COLEC10: variants seen among roughly 807,000 people sequenced by gnomAD.
COLEC10 encodes collectin-10.
In COLEC10, 22 loss-of-function variants were observed where a neutral mutation model predicts 28.4. The ratio of observed to expected loss-of-function variants is 0.78; its 90% CI spans 0.55 to 1.11. The LOEUF is 1.11. Ranked by LOEUF, COLEC10 falls within the 50% of genes least tolerant of loss-of-function variation. The pLI is 0.00. For missense variants in COLEC10, 361 were observed against 344.1 expected (o/e 1.05, Z -0.39); for synonymous variants, 125 against 116.1 (o/e 1.08, Z -0.49).
chr8:119,037,252 T>C (rs16891888), intron 2 of COLEC10, among the ~76,000 whole-genome samples: 1,817 of 152,318 alleles, frequency 0.012, 35 homozygotes, highest in African/African-American at 0.041. Flanking sequence ...TATTCTATTT[T>C]GTAAGCTGTC....
Position 118,997,018 on chromosome 8 carries a change from A to G in COLEC10, n.122+1445A>G, listed in dbSNP as rs543225960. ...ATGACAAACGCCTCTTTCCAGGCCTACCTCCCACACTGGAGATCACATTTC... is the reference window on the plus strand; with the variant it reads ...ATGACAAACGCCTCTTTCCAGGCCTGCCTCCCACACTGGAGATCACATTTC... On this transcript the variant is annotated intron_variant and non_coding_transcript_variant, in intron 1 of 6. Transcript: ENST00000521788. 2.9e-4 allele frequency among the ~76,000 whole-genome samples: 44 copies of G among 152,264 alleles called. No homozygotes were observed. In the East Asian group the frequency reaches 8.5e-3, roughly 29 times the overall value.
At chr8:119,021,079 C>T (rs16891854) in intron 2 of COLEC10, among the ~76,000 whole-genome samples, 2 of 152,068 alleles carry the variant, frequency 1.3e-5, no homozygotes, top group African/African-American at 2.4e-5. Flanking sequence ...CAGTAAGCAA[C>T]ATTTTAAGGA....
intron 2 of COLEC10, among the ~76,000 whole-genome samples, chr8:119,034,253 G>T (rs937789901): frequency 6.6e-6 from 1 of 152,060 alleles, no homozygotes; most frequent in Non-Finnish European, 1.5e-5. Context: ...AGGATGGGGG[G>T]TGGGGAGGGA....
Position 119,028,707 on chromosome 8 carries a change from A to G in COLEC10, n.235+19154A>G, listed in dbSNP as rs759489986. 3.2e-4 allele frequency among the ~76,000 whole-genome samples: 49 copies of G among 152,148 alleles called. 1 individual carries two copies. Among genetic ancestry groups the G allele is most frequent in the Admixed American group, 7.9e-4 (12 of 15,280 alleles). Reference sequence around the variant, plus strand: ...AAGCCATATCCTGTAAAGGGTTATTATATGTTTTCTAAAATGAAAATGCTC... The same window carrying G: ...AAGCCATATCCTGTAAAGGGTTATTGTATGTTTTCTAAAATGAAAATGCTC... On this transcript the variant is annotated intron_variant and non_coding_transcript_variant, in intron 2 of 6. Transcript: ENST00000521788.
chr8:119,087,726 C>T (rs1244069047), intron 1 of COLEC10, among the ~76,000 whole-genome samples: 1 of 151,986 alleles, frequency 6.6e-6, no homozygotes, highest in African/African-American at 2.4e-5. Context: ...CTGTAAAATC[C>T]ACCATCTGCT....
chr8:119,031,914 CTA>C (rs1814295801), intron 2 of COLEC10, among the ~76,000 whole-genome samples: 1 of 151,930 alleles, frequency 6.6e-6, no homozygotes, highest in Admixed American at 6.6e-5. Flanking sequence ...AAAATAGTAA[CTA>C]AAATTAATTT....
chr8:119,090,830 C>T lies in COLEC10; in HGVS notation c.221-319C>T, dbSNP rs985731828. Reference sequence around the variant, plus strand: ...AGCTAAAGAAGAACAAAACCAGAATCGAGTCAAGAATACTTTCACCTGGCC... The same window carrying T: ...AGCTAAAGAAGAACAAAACCAGAATTGAGTCAAGAATACTTTCACCTGGCC... On this transcript the variant is annotated intron_variant, in intron 2 of 5. Coordinates refer to ENST00000332843, the MANE Select transcript of COLEC10 (RefSeq NM_006438.5). Among the ~76,000 whole-genome samples the T allele has an allele frequency of 3.3e-5, 5 of 152,096 alleles. No homozygotes were observed. The South Asian group carries it at 6.2e-4, about 19-fold the overall frequency.
the COLEC10 span, among the ~76,000 whole-genome samples, chr8:118,990,191 A>G: frequency 3.3e-5 from 5 of 152,148 alleles, no homozygotes; most frequent in African/African-American, 9.6e-5. Flanking sequence ...GATAGATTGT[A>G]TGGTCACTGA....
chr8:119,092,423 C>T (rs1176111127), intron 3 of COLEC10, among the ~76,000 whole-genome samples: 1 of 152,222 alleles, frequency 6.6e-6, no homozygotes, highest in Non-Finnish European at 1.5e-5. Context: ...AGATAGTCTC[C>T]TCTGTATTGT....
intron 1 of COLEC10, among the ~76,000 whole-genome samples, chr8:119,075,467 CCTAA>C (rs1285718022): frequency 6.6e-6 from 1 of 152,130 alleles, no homozygotes; most frequent in African/African-American, 2.4e-5. Context: ...TAAAGTAGCG[CCTAA>C]CTAATGTGGG....
the COLEC10 span, chr8:118,982,701 G>T: frequency 6.3e-6 from 1 of 159,414 alleles, no homozygotes. Context: ...CATATTAAAT[G>T]AGCTACAGTG....
At chr8:119,015,735 AT>A (rs1326713488) in intron 2 of COLEC10, among the ~76,000 whole-genome samples, 1 of 152,110 alleles carries the variant, frequency 6.6e-6, no homozygotes, top group African/African-American at 2.4e-5. Flanking sequence ...TGTCTCTCCA[AT>A]TTCAGGGGCA....
At chr8:119,085,408 G>A (rs1266513333) in intron 1 of COLEC10, among the ~76,000 whole-genome samples, 1 of 152,076 alleles carries the variant, frequency 6.6e-6, no homozygotes, top group African/African-American at 2.4e-5. Flanking sequence ...TATGTAAGAG[G>A]TATGGGGCAT....
At chr8:118,996,748 A>G (rs1210577986) in intron 1 of COLEC10, among the ~76,000 whole-genome samples, 2 of 152,204 alleles carry the variant, frequency 1.3e-5, no homozygotes, top group Non-Finnish European at 2.9e-5. Context: ...ATGGTTCTCC[A>G]GGCTGTACAG....
chr8:119,033,788 T>C (rs1814337076), intron 2 of COLEC10, among the ~76,000 whole-genome samples: 2 of 152,200 alleles, frequency 1.3e-5, no homozygotes, highest in Non-Finnish European at 2.9e-5. Flanking sequence ...TTTATACTGT[T>C]GGTGGGAGTG....
the COLEC10 span, among the ~76,000 whole-genome samples, chr8:118,977,313 C>T: frequency 1.2e-4 from 18 of 148,694 alleles, no homozygotes; most frequent in African/African-American, 2.9e-4. Flanking sequence ...ATGTTTATTG[C>T]GGCATTATTC....
chr8:118,997,073 A>G (rs1462704985), intron 1 of COLEC10, among the ~76,000 whole-genome samples: 1 of 152,232 alleles, frequency 6.6e-6, no homozygotes, highest in Non-Finnish European at 1.5e-5. Context: ...ACACACATCC[A>G]AACCATATCA....
At chr8:118,953,013 T>C in the COLEC10 span, among the ~76,000 whole-genome samples, 1 of 152,174 alleles carries the variant, frequency 6.6e-6, no homozygotes, top group Non-Finnish European at 1.5e-5. Flanking sequence ...AATACTGCCT[T>C]TCACCAGATT....
intron 2 of COLEC10, among the ~76,000 whole-genome samples, chr8:119,034,538 T>A (rs137914805): frequency 0.044 from 6,671 of 151,840 alleles, 209 homozygotes; most frequent in East Asian, 0.16. Flanking sequence ...TAGTGAAACC[T>A]CATCTCTACT....
Sources: gnomAD v4.1 joint callset for allele counts (sites outside exome capture counted in the v4.1 genomes callset) on GRCh38, gnomAD v4.1.1 for gene constraint, MANE v1.5 for transcripts, NCBI Gene and HGNC (gene_info 2026-07-23, HGNC 2026-07-21) for gene names.